NRG1: variants seen among roughly 807,000 people sequenced by gnomAD.
The protein encoded by NRG1 is neuregulin 1.
In NRG1, 18 loss-of-function variants were observed where a neutral mutation model predicts 63.8. The observed-to-expected ratio is 0.28, with a 90% CI of 0.19 to 0.42. The LOEUF is 0.42. Among genes scored for constraint, NRG1 ranks in the 10% least tolerant of loss-of-function variants. The probability of loss-of-function intolerance (pLI) is 1.00; values close to 1 mark genes in which losing one functional copy is unlikely to be tolerated. For synonymous variants in NRG1, 302 were observed against 301.3 expected (o/e 1.00, Z -0.02); for missense variants, 762 against 814.7 (o/e 0.94, Z 0.79).
chr8:32,484,863 T>C (rs1337238994), intron 1 of NRG1, among the ~76,000 whole-genome samples: 1 of 152,164 alleles, frequency 6.6e-6, no homozygotes, highest in African/African-American at 2.4e-5. Flanking sequence ...TTTTAGCCTG[T>C]AAAAAGAGCC....
At chr8:32,018,941 A>G (rs1371584515) in intron 1 of NRG1, among the ~76,000 whole-genome samples, 1 of 152,230 alleles carries the variant, frequency 6.6e-6, no homozygotes, top group African/African-American at 2.4e-5. Flanking sequence ...GTAAGTTGGT[A>G]TCATATTGTG....
intron 5 of NRG1, among the ~76,000 whole-genome samples, chr8:32,650,407 CAGTT>C (rs1854766408): frequency 1.3e-5 from 2 of 152,036 alleles, no homozygotes; most frequent in South Asian, 2.1e-4. Context: ...TAGGGGTAGA[CAGTT>C]AGTTGGTTAA....
intron 1 of NRG1, among the ~76,000 whole-genome samples, chr8:32,461,264 G>C (rs547825843): frequency 6.6e-6 from 1 of 152,260 alleles, no homozygotes; most frequent in East Asian, 1.9e-4. Context: ...GGTTTGCAAA[G>C]AAACTTTAAT....
chr8:31,723,881 T>G (rs1048615492), intron 1 of NRG1, among the ~76,000 whole-genome samples: 2 of 152,132 alleles, frequency 1.3e-5, no homozygotes, highest in African/African-American at 4.8e-5. Flanking sequence ...CTAGAGGTCA[T>G]GTAGTCTCTT....
At chr8:32,462,367 C>T (rs1326777751) in intron 1 of NRG1, among the ~76,000 whole-genome samples, 1 of 152,116 alleles carries the variant, frequency 6.6e-6, no homozygotes, top group Non-Finnish European at 1.5e-5. Context: ...GCAGTTTCAG[C>T]AGCTAGGTTT....
chr8:32,430,792 T>G (rs954815067), intron 1 of NRG1, among the ~76,000 whole-genome samples: 33 of 152,050 alleles, frequency 2.2e-4, no homozygotes, highest in Non-Finnish European at 3.4e-4. Context: ...TTTGGGTTTT[T>G]TTTTTTTTTT....
At chr8:32,601,805 T>G (rs1261224411) in intron 2 of NRG1, among the ~76,000 whole-genome samples, 13 of 152,040 alleles carry the variant, frequency 8.6e-5, no homozygotes, top group Non-Finnish European at 5.9e-5. Context: ...CGATGAGGAA[T>G]GTATTGGGGC....
chr8:32,305,670 C>T (rs1856110962), intron 1 of NRG1, among the ~76,000 whole-genome samples: 1 of 152,240 alleles, frequency 6.6e-6, no homozygotes, highest in South Asian at 2.1e-4. Flanking sequence ...ATAGATCTCA[C>T]AGGATGTTCA....
At chr8:32,352,689 T>C (rs1012673688) in intron 1 of NRG1, among the ~76,000 whole-genome samples, 4 of 152,054 alleles carry the variant, frequency 2.6e-5, no homozygotes, top group African/African-American at 9.7e-5. Context: ...GAGACCAGCC[T>C]GAGCAATACA....
At chr8:32,148,688 G>A (rs1318152078) in intron 1 of NRG1, among the ~76,000 whole-genome samples, 1 of 152,200 alleles carries the variant, frequency 6.6e-6, no homozygotes, top group African/African-American at 2.4e-5. Flanking sequence ...AAATATTAGA[G>A]GTGGGTGAGA....
intron 1 of NRG1, among the ~76,000 whole-genome samples, chr8:32,280,078 C>T (rs750137880): frequency 2.0e-5 from 3 of 152,222 alleles, no homozygotes; most frequent in Non-Finnish European, 4.4e-5. Context: ...GCAGTAGGTG[C>T]TCAGTAAATG....
intron 1 of NRG1, among the ~76,000 whole-genome samples, chr8:31,709,718 A>T (rs987009301): frequency 6.6e-6 from 1 of 151,982 alleles, no homozygotes; most frequent in Admixed American, 6.6e-5. Context: ...TCTCATCCAG[A>T]TTAAATTTAT....
At chr8:32,375,691 G>T (rs1047709086) in intron 1 of NRG1, among the ~76,000 whole-genome samples, 2 of 152,176 alleles carry the variant, frequency 1.3e-5, no homozygotes, top group Non-Finnish European at 2.9e-5. Flanking sequence ...AAGAAGTCCT[G>T]CAACTGGAGC....
intron 5 of NRG1, among the ~76,000 whole-genome samples, chr8:32,676,195 G>C (rs1807071088): frequency 6.6e-6 from 1 of 152,138 alleles, no homozygotes. Flanking sequence ...GTGACACTCA[G>C]GTCAGTGACT....
chr8:32,218,251 G>T (rs1262112489), intron 1 of NRG1, among the ~76,000 whole-genome samples: 1 of 152,184 alleles, frequency 6.6e-6, no homozygotes, highest in African/African-American at 2.4e-5. Context: ...CAATCTCCAA[G>T]TTTTGGCCAA....
intron 1 of NRG1, among the ~76,000 whole-genome samples, chr8:31,659,544 G>A (rs898076488): frequency 1.3e-5 from 2 of 152,080 alleles, no homozygotes; most frequent in African/African-American, 4.8e-5. Flanking sequence ...AGGAGCAACA[G>A]ATTGGGGTAG....
chr8:32,124,819 A>G (rs1216313628), intron 1 of NRG1, among the ~76,000 whole-genome samples: 1 of 151,930 alleles, frequency 6.6e-6, no homozygotes, highest in Non-Finnish European at 1.5e-5. Flanking sequence ...GGGCTGGACA[A>G]GCAAAGTGCT....
At chr8:32,498,590 A>ATTGT (rs1827496137) in intron 1 of NRG1, among the ~76,000 whole-genome samples, 1 of 84,594 alleles carries the variant, frequency 1.2e-5, no homozygotes, top group Non-Finnish European at 2.6e-5. Flanking sequence ...AACAGCCCCC[A>ATTGT]TCGTTCAATT....
intron 1 of NRG1, among the ~76,000 whole-genome samples, chr8:32,446,182 T>A (rs1255456693): frequency 2.0e-5 from 3 of 152,232 alleles, no homozygotes; most frequent in Non-Finnish European, 4.4e-5. Context: ...GAATCTGATC[T>A]GAAATGGCAT....
Sources: allele counts gnomAD v4.1 joint callset (sites outside exome capture counted in the v4.1 genomes callset), GRCh38; gene constraint gnomAD v4.1.1; transcripts MANE v1.5; gene names NCBI Gene and HGNC (gene_info 2026-07-23, HGNC 2026-07-21).